COL25A1: variants seen among roughly 807,000 people sequenced by gnomAD.
COL25A1 encodes collagen type XXV alpha 1 chain, also known as collagen alpha-1(XXV) chain.
A neutral mutation model predicts 128.4 loss-of-function variants in COL25A1; 103 were observed. That is an observed-to-expected ratio of 0.80 (90% CI 0.68 to 0.94). The LOEUF (loss-of-function observed/expected upper bound fraction) is 0.94. Ranked by LOEUF, COL25A1 falls within the 40% of genes least tolerant of loss-of-function variation. The probability of loss-of-function intolerance (pLI) is 0.00; values close to 1 mark genes in which losing one functional copy is unlikely to be tolerated. For synonymous variants in COL25A1, 279 were observed against 277.2 expected (o/e 1.01, Z -0.06); for missense variants, 745 against 840.0 (o/e 0.89, Z 1.40).
chr4:108,985,614 C>G (rs183150930), intron 6 of COL25A1, among the ~76,000 whole-genome samples: 127 of 152,300 alleles, frequency 8.3e-4, no homozygotes, highest in Non-Finnish European at 1.3e-4. Context: ...AGGAAAACTG[C>G]TGAGCCAGTC....
chr4:109,017,758 C>T (rs959476295), intron 5 of COL25A1, among the ~76,000 whole-genome samples: 2 of 152,122 alleles, frequency 1.3e-5, no homozygotes, highest in African/African-American at 4.8e-5. Flanking sequence ...TAAAAAACTT[C>T]CATCTACAAA....
At chr4:109,092,257 C>T (rs1764981403) in intron 3 of COL25A1, among the ~76,000 whole-genome samples, 1 of 152,152 alleles carries the variant, frequency 6.6e-6, no homozygotes, top group Non-Finnish European at 1.5e-5. Flanking sequence ...CAAAGGATTG[C>T]TTAAGGCCAG....
intron 3 of COL25A1, among the ~76,000 whole-genome samples, chr4:109,277,629 T>C (rs1722966390): frequency 6.6e-6 from 1 of 152,158 alleles, no homozygotes; most frequent in Admixed American, 6.5e-5. Flanking sequence ...TTGTTGAAAA[T>C]ACCAACACAT....
intron 5 of COL25A1, among the ~76,000 whole-genome samples, chr4:109,025,974 C>G (rs1473441736): frequency 6.6e-6 from 1 of 152,024 alleles, no homozygotes; most frequent in Non-Finnish European, 1.5e-5. Flanking sequence ...TTGTGTCATG[C>G]TGGCTGCCCA....
chr4:109,176,715 A>G (rs566480602), intron 3 of COL25A1, among the ~76,000 whole-genome samples: 1 of 152,314 alleles, frequency 6.6e-6, no homozygotes, highest in East Asian at 1.9e-4. Flanking sequence ...TCTCAAGATG[A>G]GATCATTCTG....
chr4:109,292,516 G>A (rs1724569518), intron 3 of COL25A1, among the ~76,000 whole-genome samples: 2 of 152,090 alleles, frequency 1.3e-5, no homozygotes, highest in East Asian at 1.9e-4. Flanking sequence ...AGAGCTCTAC[G>A]ATGAGCCCTA....
chr4:109,171,567 T>C (rs909519947), intron 3 of COL25A1, among the ~76,000 whole-genome samples: 1 of 152,154 alleles, frequency 6.6e-6, no homozygotes, highest in Non-Finnish European at 1.5e-5. Flanking sequence ...AAATATAAAG[T>C]GAATGGTGTG....
chr4:109,034,910 A>G (rs1759197926), intron 5 of COL25A1, among the ~76,000 whole-genome samples: 2 of 152,336 alleles, frequency 1.3e-5, no homozygotes, highest in South Asian at 2.1e-4. Context: ...GAAATCTTAT[A>G]TAAAGACACA....
intron 6 of COL25A1, among the ~76,000 whole-genome samples, chr4:109,008,040 C>G (rs1232501281): frequency 1.3e-5 from 2 of 152,122 alleles, no homozygotes; most frequent in Admixed American, 6.6e-5. Flanking sequence ...TCTTTCTATT[C>G]ATATCTGAAT....
intron 3 of COL25A1, among the ~76,000 whole-genome samples, chr4:109,197,475 T>TATTATATATAA (rs1776199832): frequency 8.5e-6 from 1 of 118,276 alleles, no homozygotes; most frequent in African/African-American, 3.2e-5. Context: ...ATATATAATA[T>TATTATATATAA]ATATTATATA....
At chr4:109,182,831 C>T (rs1270938916) in intron 3 of COL25A1, among the ~76,000 whole-genome samples, 1 of 152,034 alleles carries the variant, frequency 6.6e-6, no homozygotes, top group Non-Finnish European at 1.5e-5. Flanking sequence ...GGATAAATTA[C>T]ACTTGCAGCC....
At chr4:109,207,665 A>G (rs576061275) in intron 3 of COL25A1, among the ~76,000 whole-genome samples, 9 of 152,330 alleles carry the variant, frequency 5.9e-5, no homozygotes, top group African/African-American at 2.2e-4. Context: ...AATAAGCACT[A>G]CACATTGCCC....
chr4:109,195,749 C>T (rs1482425138), intron 3 of COL25A1, among the ~76,000 whole-genome samples: 1 of 152,178 alleles, frequency 6.6e-6, no homozygotes, highest in Non-Finnish European at 1.5e-5. Flanking sequence ...CTGGGTCCCA[C>T]ATGCTGTGAT....
intron 34 of COL25A1, among the ~76,000 whole-genome samples, chr4:108,824,644 A>G (rs929045073): frequency 2.6e-5 from 4 of 152,216 alleles, no homozygotes; most frequent in Non-Finnish European, 4.4e-5. Context: ...ATGCCTGCCC[A>G]TAACAGGTGC....
At position 108,935,585 on chromosome 4, in the gene COL25A1, G is replaced by A. The variant is rs370257790; in HGVS notation, c.708+2223C>T. ...CTTAAATGCATTTAAAAAATAACAC[G>A]AACTAAATCCTAAGAGTTTAAAGAG... On this transcript the variant is annotated intron_variant, in intron 11 of 37. Transcript: ENST00000399132. Among the ~76,000 whole-genome samples, 52 of 151,268 alleles carry A rather than the reference G, an allele frequency of 3.4e-4. No individual in the cohort carries two copies. The South Asian group carries it at 9.4e-3, about 27-fold the overall frequency.
chr4:109,199,471 G>A (rs748697920), intron 3 of COL25A1, among the ~76,000 whole-genome samples: 1 of 151,940 alleles, frequency 6.6e-6, no homozygotes, highest in South Asian at 2.1e-4. Flanking sequence ...TTCTGAAAAC[G>A]GCACTGTAAA....
intron 8 of COL25A1, among the ~76,000 whole-genome samples, chr4:108,970,468 C>T (rs61690742): frequency 0.027 from 4,091 of 152,198 alleles, 130 homozygotes; most frequent in African/African-American, 0.075. Flanking sequence ...TATATATATA[C>T]TGTTACATAT....
intron 3 of COL25A1, among the ~76,000 whole-genome samples, chr4:109,294,575 C>T (rs981853038): frequency 6.6e-6 from 1 of 152,050 alleles, no homozygotes; most frequent in Non-Finnish European, 1.5e-5. Context: ...CCACATGGAA[C>T]TTCACCCATA....
At chr4:109,065,571 TG>T in intron 3 of COL25A1, among the ~76,000 whole-genome samples, 1 of 151,654 alleles carries the variant, frequency 6.6e-6, no homozygotes, top group Non-Finnish European at 1.5e-5. Flanking sequence ...TGTGTGTGTG[TG>T]TGTGTGTGTG....
Sources: gnomAD v4.1 joint callset for allele counts (sites outside exome capture counted in the v4.1 genomes callset) on GRCh38, gnomAD v4.1.1 for gene constraint, MANE v1.5 for transcripts, NCBI Gene and HGNC (gene_info 2026-07-23, HGNC 2026-07-21) for gene names.